SV2C: variants seen among roughly 807,000 people sequenced by gnomAD.
The protein encoded by SV2C is synaptic vesicle glycoprotein 2C.
Under a neutral mutation model 79.7 loss-of-function variants are expected in SV2C, and 49 were observed. That is an observed-to-expected ratio of 0.61 (90% CI 0.49 to 0.78). The LOEUF is 0.78. Among genes scored for constraint, SV2C ranks in the 30% least tolerant of loss-of-function variants. SV2C has a pLI of 0.00. For synonymous variants in SV2C, 334 were observed against 333.2 expected (o/e 1.00, Z -0.03); for missense variants, 833 against 912.9 (o/e 0.91, Z 1.13).
chr5:76,117,054 A>G (rs980147680), intron 1 of SV2C, among the ~76,000 whole-genome samples: 1 of 152,160 alleles, frequency 6.6e-6, no homozygotes, highest in Non-Finnish European at 1.5e-5. Flanking sequence ...AATTATCCTT[A>G]AGCAAGTCTG....
the SV2C span, among the ~76,000 whole-genome samples, chr5:76,023,477 T>G: frequency 6.6e-6 from 1 of 152,062 alleles, no homozygotes; most frequent in Admixed American, 6.6e-5. Context: ...TATAGGACTT[T>G]TATGTAGCCA....
At chr5:75,954,682 C>A in the SV2C span, among the ~76,000 whole-genome samples, 4 of 150,340 alleles carry the variant, frequency 2.7e-5, no homozygotes, top group Non-Finnish European at 4.4e-5. Flanking sequence ...AGCTGATAAG[C>A]AACTTCAGCA....
the SV2C span, among the ~76,000 whole-genome samples, chr5:75,944,245 G>A: frequency 2.6e-5 from 4 of 152,076 alleles, no homozygotes; most frequent in Admixed American, 2.6e-4. Context: ...TTACTTCAGT[G>A]GTTTGCCCAC....
chr5:76,018,497 G>GT, the SV2C span, among the ~76,000 whole-genome samples: 20 of 152,224 alleles, frequency 1.3e-4, no homozygotes, highest in African/African-American at 4.6e-4. Flanking sequence ...TTGAAAAGGT[G>GT]TTTTATAATG....
chr5:76,202,416 G>A (rs1744479505), intron 3 of SV2C, among the ~76,000 whole-genome samples: 7 of 152,194 alleles, frequency 4.6e-5, no homozygotes, highest in Admixed American at 2.6e-4. Context: ...CACACAATAA[G>A]TAATGTAATC....
the SV2C span, among the ~76,000 whole-genome samples, chr5:75,936,796 C>T: frequency 2.6e-4 from 39 of 152,268 alleles, no homozygotes; most frequent in Admixed American, 2.6e-4. Context: ...ATAGTCTTTA[C>T]GGCAAACCCA....
intron 1 of SV2C, among the ~76,000 whole-genome samples, chr5:76,095,715 T>G (rs1466482310): frequency 2.6e-5 from 4 of 152,150 alleles, no homozygotes; most frequent in Non-Finnish European, 5.9e-5. Context: ...ACTCATAATT[T>G]ATTTTTTTGT....
the SV2C span, among the ~76,000 whole-genome samples, chr5:75,850,008 A>G: frequency 6.6e-6 from 1 of 152,108 alleles, no homozygotes; most frequent in Non-Finnish European, 1.5e-5. Context: ...TGAAGTAAGA[A>G]TTTTGTATTT....
chr5:76,351,311 G>A (rs964565494), intron 12 of SV2C, among the ~76,000 whole-genome samples: 7 of 152,080 alleles, frequency 4.6e-5, no homozygotes, highest in African/African-American at 1.2e-4. Flanking sequence ...AGCCAGGCAC[G>A]GTGACGTGCA....
the SV2C span, among the ~76,000 whole-genome samples, chr5:76,051,975 AATAG>A: frequency 9.8e-4 from 149 of 152,312 alleles, no homozygotes; most frequent in African/African-American, 3.2e-3. Flanking sequence ...TCTGCAAAGT[AATAG>A]ATCAATTTAT....
chr5:76,086,639 C>T (rs74950858), intron 1 of SV2C, among the ~76,000 whole-genome samples: 1 of 151,594 alleles, frequency 6.6e-6, no homozygotes, highest in Non-Finnish European at 1.5e-5. Flanking sequence ...CAGCCCCTGG[C>T]ATATATAGTT....
At chr5:75,881,273 A>T in the SV2C span, among the ~76,000 whole-genome samples, 1 of 152,190 alleles carries the variant, frequency 6.6e-6, no homozygotes, top group African/African-American at 2.4e-5. Context: ...GGAAATTAAT[A>T]ATTTTGTCAG....
the SV2C span, among the ~76,000 whole-genome samples, chr5:75,974,502 T>C: frequency 6.6e-6 from 1 of 152,074 alleles, no homozygotes; most frequent in African/African-American, 2.4e-5. Context: ...TTCTCATTTG[T>C]CTCTGAATAA....
At chr5:75,955,727 T>A in the SV2C span, among the ~76,000 whole-genome samples, 1 of 148,196 alleles carries the variant, frequency 6.7e-6, no homozygotes, top group African/African-American at 2.5e-5. Flanking sequence ...CATCAAAAAG[T>A]GGGTGAAAGA....
intron 12 of SV2C, among the ~76,000 whole-genome samples, chr5:76,322,977 C>A (rs890392193): frequency 6.6e-6 from 1 of 152,134 alleles, no homozygotes; most frequent in Non-Finnish European, 1.5e-5. Flanking sequence ...TAGGCATGGG[C>A]AAATACTTCA....
chr5:76,281,038 A>C (rs1447529899), intron 4 of SV2C: 1 of 540,978 alleles, frequency 1.8e-6, no homozygotes, highest in East Asian at 5.3e-5. Flanking sequence ...CAAGTTCTAA[A>C]TCAGTCGGCC....
intron 2 of SV2C, among the ~76,000 whole-genome samples, chr5:76,132,931 CA>C (rs1748951433): frequency 1.3e-5 from 2 of 151,436 alleles, no homozygotes; most frequent in South Asian, 4.1e-4. Context: ...ACTTTGTGCC[CA>C]AACTAGAAAA....
the SV2C span, among the ~76,000 whole-genome samples, chr5:75,935,579 A>G: frequency 8.4e-3 from 1,282 of 152,328 alleles, 33 homozygotes; most frequent in East Asian, 0.092. Flanking sequence ...TATCAACACT[A>G]TAGATACTAT....
chr5:75,920,610 T>G, the SV2C span: 3 of 553,798 alleles, frequency 5.4e-6, no homozygotes, highest in South Asian at 4.3e-5. Context: ...AACTTGAACA[T>G]GATGCCAGCA....
Sources: gnomAD v4.1 joint callset for allele counts (sites outside exome capture counted in the v4.1 genomes callset) on GRCh38, gnomAD v4.1.1 for gene constraint, MANE v1.5 for transcripts, NCBI Gene and HGNC (gene_info 2026-07-23, HGNC 2026-07-21) for gene names.